NHSL1: variants seen among roughly 807,000 people sequenced by gnomAD.
NHSL1 encodes the protein NHS-like protein 1.
NHSL1 carries 48 observed loss-of-function variants against 95.0 expected under a neutral mutation model. That is an observed-to-expected ratio of 0.51 (90% confidence interval 0.40 to 0.64). The LOEUF is 0.64. NHSL1 is among the 30% of genes least tolerant of loss of function. The pLI is 0.00. For synonymous variants in NHSL1, 783 were observed against 833.9 expected, an observed-to-expected ratio of 0.94 and a Z score of 1.05; for missense variants, 1,971 against 2,077.7, an observed-to-expected ratio of 0.95 and a Z score of 1.00.
At chr6:138,574,405 T>G (rs1783930435), upstream of NHSL1, among the ~76,000 whole-genome samples, 1 of 151,976 alleles carries the variant, frequency 6.6e-6, no homozygotes, top group Non-Finnish European at 1.5e-5. Flanking sequence ...CCAAATGCTG[T>G]TTGCCATTTC....
At chr6:138,603,269 T>G (rs1784393808) in intron 1 of NHSL1, among the ~76,000 whole-genome samples, 1 of 152,092 alleles carries the variant, frequency 6.6e-6, no homozygotes, top group African/African-American at 2.4e-5. Context: ...AGGCTGGTCT[T>G]GAACTCCTGA....
intron 1 of NHSL1, among the ~76,000 whole-genome samples, chr6:138,645,718 C>T (rs917425270): frequency 7.2e-5 from 11 of 151,836 alleles, no homozygotes; most frequent in South Asian, 2.1e-4. Flanking sequence ...ATGTTGGCCA[C>T]GATACTCTTG....
At chr6:138,657,059 G>T (rs1392048110) in intron 1 of NHSL1, among the ~76,000 whole-genome samples, 1 of 152,086 alleles carries the variant, frequency 6.6e-6, no homozygotes, top group African/African-American at 2.4e-5. Flanking sequence ...AAAGTGTGGT[G>T]CTAATTTTTC....
At chr6:138,598,687 T>C (rs1784333794) in intron 1 of NHSL1, among the ~76,000 whole-genome samples, 1 of 149,824 alleles carries the variant, frequency 6.7e-6, no homozygotes, top group African/African-American at 2.5e-5. Context: ...TAAAAATATA[T>C]GTGAACATAG....
At chr6:138,604,489 T>C (rs1301520018) in intron 1 of NHSL1, among the ~76,000 whole-genome samples, 1 of 152,206 alleles carries the variant, frequency 6.6e-6, no homozygotes, top group Non-Finnish European at 1.5e-5. Context: ...AGGCTCTTTC[T>C]GGTTAACCTC....
At position 138,543,213 on chromosome 6, in the gene NHSL1, T is replaced by C. The variant is rs141775590; in HGVS notation, c.16+2410A>G. Among the ~76,000 whole-genome samples the C allele has an allele frequency of 2.6e-5, 4 of 152,346 alleles. No individual in the cohort carries two copies. The East Asian group carries it at 7.7e-4, about 29-fold the overall frequency. On this transcript the variant is annotated intron_variant, in intron 1 of 4. Coordinates refer to the NHSL1 transcript ENST00000342260. ...TGCTACACAGTGAAGGAACGTACCA[T>C]GCCTTTGTTAGCCACAGAGACCTTA...
chr6:138,558,813 T>G (rs1187173286), intron 1 of NHSL1, among the ~76,000 whole-genome samples: 1 of 151,966 alleles, frequency 6.6e-6, no homozygotes, highest in Non-Finnish European at 1.5e-5. Context: ...GAGGCTGAAG[T>G]GGGAAAATCA....
intron 1 of NHSL1, among the ~76,000 whole-genome samples, chr6:138,689,757 T>A (rs908634337): frequency 1.3e-5 from 2 of 152,004 alleles, no homozygotes; most frequent in Non-Finnish European, 2.9e-5. Flanking sequence ...TTAAGGAACA[T>A]ATCTAAACTT....
chr6:138,463,824 A>G (rs1778162658), intron 3 of NHSL1, among the ~76,000 whole-genome samples: 1 of 152,124 alleles, frequency 6.6e-6, no homozygotes, highest in Admixed American at 6.5e-5. Context: ...GATGACTCTC[A>G]GAGTCCTTCT....
chr6:138,516,796 G>A (rs1200509859), intron 1 of NHSL1, among the ~76,000 whole-genome samples: 5 of 152,066 alleles, frequency 3.3e-5, no homozygotes, highest in Non-Finnish European at 5.9e-5. Flanking sequence ...CACCATGCCC[G>A]GTTAATCTTT....
At chr6:138,464,413 G>T (rs975377469) in intron 3 of NHSL1, 3 of 364,816 alleles carry the variant, frequency 8.2e-6, no homozygotes, top group Non-Finnish European at 1.5e-5. Context: ...GGGCAGGAAG[G>T]CCGAGGATGG....
chr6:138,650,493 A>T, intron 1 of NHSL1: 1 of 761,034 alleles, frequency 1.3e-6, no homozygotes, highest in Non-Finnish European at 2.3e-6. Context: ...GCTGTCATCC[A>T]CCAGGTAGGC....
At chr6:138,554,600 G>T (rs1243322521) in intron 1 of NHSL1, among the ~76,000 whole-genome samples, 1 of 152,082 alleles carries the variant, frequency 6.6e-6, no homozygotes, top group South Asian at 2.1e-4. Flanking sequence ...TAAGAGCAAG[G>T]TACGCCAAGG....
intron 1 of NHSL1, among the ~76,000 whole-genome samples, chr6:138,654,580 T>C (rs928580939): frequency 2.0e-5 from 3 of 151,860 alleles, no homozygotes; most frequent in African/African-American, 4.8e-5. Context: ...ATATCATTCT[T>C]TTTTTTTATG....
chr6:138,668,912 G>A (rs573895370), intron 1 of NHSL1, among the ~76,000 whole-genome samples: 37 of 152,192 alleles, frequency 2.4e-4, no homozygotes, highest in African/African-American at 8.2e-4. Context: ...GTGAGCCACC[G>A]TACCCGGCCC....
At chr6:138,640,388 A>T (rs1408338340) in intron 1 of NHSL1, among the ~76,000 whole-genome samples, 3 of 152,194 alleles carry the variant, frequency 2.0e-5, no homozygotes, top group Non-Finnish European at 4.4e-5. Context: ...TTTAAAAAAT[A>T]CAAATGACCC....
intron 1 of NHSL1, among the ~76,000 whole-genome samples, chr6:138,652,623 C>CA (rs1785107465): frequency 6.6e-6 from 1 of 151,770 alleles, no homozygotes. Context: ...GTAAAACAAG[C>CA]AAAAAAATAT....
At chr6:138,540,814 C>G (rs1427244797) in intron 1 of NHSL1, among the ~76,000 whole-genome samples, 1 of 152,178 alleles carries the variant, frequency 6.6e-6, no homozygotes, top group African/African-American at 2.4e-5. Context: ...ATGCAGGCAG[C>G]TGGGACACAC....
intron 1 of NHSL1, among the ~76,000 whole-genome samples, chr6:138,542,040 T>C (rs1782601961): frequency 6.6e-6 from 1 of 152,214 alleles, no homozygotes; most frequent in South Asian, 2.1e-4. Context: ...TTTGGAAATA[T>C]GGTCTTTGCA....
Sources: allele counts gnomAD v4.1 joint callset (sites outside exome capture counted in the v4.1 genomes callset), GRCh38; gene constraint gnomAD v4.1.1; transcripts MANE v1.5; gene names NCBI Gene and HGNC (gene_info 2026-07-23, HGNC 2026-07-21).